The following PAQR3 variants were observed in gnomAD, a reference collection of about 807,000 sequenced individuals.
PAQR3 encodes Raf kinase trapping to Golgi.
A neutral mutation model predicts 41.7 loss-of-function variants in PAQR3; 39 were observed. The observed-to-expected ratio is 0.93, with a 90% CI of 0.72 to 1.22. The LOEUF is 1.22. Among genes scored for constraint, PAQR3 ranks in the 50% most tolerant of loss-of-function variants. The pLI, the probability that PAQR3 is intolerant of heterozygous loss-of-function variation, is 0.00. For missense variants in PAQR3, 366 were observed against 385.6 expected, an observed-to-expected ratio of 0.95 and a Z score of 0.42; for synonymous variants, 140 against 140.6, an observed-to-expected ratio of 1.00 and a Z score of 0.03.
rs542732985 is a variant in PAQR3 at position 78,892,578 on chromosome 4, A to G, written c.*837-4430T>C. Among the ~76,000 whole-genome samples the G allele has an allele frequency of 2.6e-5, 4 of 152,192 alleles. No homozygotes were observed. The South Asian group carries it at 6.2e-4, about 24-fold the overall frequency. ...AAAATTTTTATGTTTTCTTCTACCT[A>G]TTTCAGGAATAATTTGCTACTCTTT... On this transcript the variant is annotated intron_variant and NMD_transcript_variant, in intron 11 of 12. Coordinates refer to the PAQR3 transcript ENST00000342820.
Position 78,919,625 on chromosome 4 carries a change from C to T in PAQR3, c.*914G>A, listed in dbSNP as rs956437095. The stretch of plus-strand genomic sequence containing the variant: ...GGGTCAAGACAGGGCCATCTAGATT[C>T]TATGGCCTTGCAAGTAGCACCCACA... On this transcript the variant is annotated 3_prime_UTR_variant, in exon 6 of 6. Transcript: ENST00000512733. 3.1e-5 allele frequency: 31 copies of T among 984,966 alleles called. No individual in the cohort carries two copies. The highest frequency in any genetic ancestry group is 3.7e-5 in the Non-Finnish European group (31 of 829,778). 61.0% of individuals were successfully genotyped at this position (984,966 alleles called of 1,614,324 possible).
At chr4:78,887,360 A>G (rs1733153212) in intron 12 of PAQR3, 4 of 1,062,168 alleles carry the variant, frequency 3.8e-6, no homozygotes, top group South Asian at 2.8e-5. Context: ...ATAAAGTGGA[A>G]GTAAGACTCT....
In PAQR3 at chr4:78,918,014, A is replaced by G. The variant is rs911761848; in HGVS notation, c.*2525T>C. The G allele has an allele frequency of 2.0e-6, 2 of 981,192 alleles. No individual in the cohort carries two copies. Among genetic ancestry groups the G allele is most frequent in the African/African-American group, 3.5e-5 (2 of 57,100 alleles). The allele number at this position is 981,192 out of a possible 1,614,324, so 60.8% of individuals were successfully genotyped here. ...TTACTGAATTGCAGTTAGTGTAATA[A>G]CAAAAAAAGACAAGCACTGTCTTGC... On this transcript the variant is annotated 3_prime_UTR_variant, in exon 6 of 6. Coordinates refer to ENST00000512733, the MANE Select transcript of PAQR3 (RefSeq NM_001040202.2).
At chr4:78,899,016 C>G (rs1419516407) in intron 11 of PAQR3, 1 of 152,562 alleles carries the variant, frequency 6.6e-6, no homozygotes, top group Non-Finnish European at 1.5e-5. Flanking sequence ...AGGGGGACCA[C>G]CAGGTTGCCT....
At chr4:78,926,795 C>T (rs1383886125) in intron 3 of PAQR3, 77 bp from the exon 4 acceptor site, 26 of 1,272,816 alleles carry the variant, frequency 2.0e-5, no homozygotes, top group East Asian at 7.0e-5. Flanking sequence ...GGCTTTTACA[C>T]TACAAATTCC....
At chr4:78,928,976 C>T (rs539566229) in intron 3 of PAQR3, among the ~76,000 whole-genome samples, 1 of 152,332 alleles carries the variant, frequency 6.6e-6, no homozygotes, top group South Asian at 2.1e-4. Flanking sequence ...AGGGTTCGCG[C>T]TGCTGTGAGA....
At chr4:78,891,348 C>T (rs534601185) in intron 11 of PAQR3, among the ~76,000 whole-genome samples, 1 of 152,196 alleles carries the variant, frequency 6.6e-6, no homozygotes, top group African/African-American at 2.4e-5. Context: ...TTAACTTGTT[C>T]TGAATATTCA....
chr4:78,937,002 T>C (rs1737497376), intron 1 of PAQR3, among the ~76,000 whole-genome samples: 1 of 152,178 alleles, frequency 6.6e-6, no homozygotes, highest in African/African-American at 2.4e-5. Flanking sequence ...ACTCTTACTG[T>C]ACGAAAAGTT....
Position 78,918,010 on chromosome 4 carries a change from A to G in PAQR3, c.*2529T>C. On this transcript the variant is annotated 3_prime_UTR_variant, in exon 6 of 6. Coordinates refer to ENST00000512733, the MANE Select transcript of PAQR3 (RefSeq NM_001040202.2). ...CAGCTTACTGAATTGCAGTTAGTGT[A>G]ATAACAAAAAAAGACAAGCACTGTC... 1 of 982,168 alleles carries G rather than the reference A, an allele frequency of 1.0e-6. No individual in the cohort carries two copies. The highest frequency in any genetic ancestry group is 1.2e-6 in the Non-Finnish European group (1 of 826,614). 60.8% of individuals were successfully genotyped at this position (982,168 alleles called of 1,614,324 possible).
chr4:78,928,400 A>C (rs1736472806), intron 3 of PAQR3, among the ~76,000 whole-genome samples: 1 of 152,250 alleles, frequency 6.6e-6, no homozygotes, highest in Non-Finnish European at 1.5e-5. Context: ...TATGTTCCAA[A>C]GTGATTAGGC....
intron 5 of PAQR3, chr4:78,923,400 T>C (rs1035200575): frequency 4.8e-6 from 1 of 208,220 alleles, no homozygotes; most frequent in African/African-American, 2.4e-5. Flanking sequence ...GTTACATATG[T>C]ATACAAGTGA....
At chr4:78,935,328 T>A (rs759326944) in intron 1 of PAQR3, 45 bp from the exon 2 acceptor site, 2 of 1,561,154 alleles carry the variant, frequency 1.3e-6, no homozygotes, top group Admixed American at 3.6e-5. Context: ...ATTGGCCAAC[T>A]TACTGTCACG....
At position 78,919,186 on chromosome 4, in the gene PAQR3, C is replaced by A. The variant is rs1735403271; in HGVS notation, c.*1353G>T. 2.0e-6 allele frequency: 2 copies of A among 984,996 alleles called. No individual in the cohort carries two copies. Among genetic ancestry groups the A allele is most frequent in the Admixed American group, 1.2e-4 (2 of 16,188 alleles). The allele number at this position is 984,996 out of a possible 1,614,324, so 61.0% of individuals were successfully genotyped here. On this transcript the variant is annotated 3_prime_UTR_variant, in exon 6 of 6. Transcript: ENST00000512733. ...CAAAAGGCATTTTGGGAATAAGCTT[C>A]ATCATCAATTAACATTTTTTCTGAT...
At chr4:78,938,425 A>T (rs1314793894) in intron 1 of PAQR3, among the ~76,000 whole-genome samples, 1 of 152,122 alleles carries the variant, frequency 6.6e-6, no homozygotes, top group Non-Finnish European at 1.5e-5. Context: ...GCCCGTTATG[A>T]GCTCTCTTTA....
chr4:78,926,372 G>A (rs552736422), intron 4 of PAQR3, 149 bp downstream of exon 4: 3 of 659,398 alleles, frequency 4.5e-6, no homozygotes, highest in Non-Finnish European at 7.8e-6. Context: ...TTATATGGCT[G>A]TGAAAATTAC....
At chr4:78,923,069 G>C in intron 5 of PAQR3, 1 of 431,282 alleles carries the variant, frequency 2.3e-6, no homozygotes, top group East Asian at 7.0e-5. Context: ...TCTTCCTAGT[G>C]CTGGGTGCCA....
At chr4:78,926,487 A>C (rs761739552) in intron 4 of PAQR3, 34 bp downstream of exon 4, 32 of 1,555,978 alleles carry the variant, frequency 2.1e-5, no homozygotes, top group Non-Finnish European at 2.8e-5. Flanking sequence ...AAGGAAAAAA[A>C]AAAAGAGAAA....
At chr4:78,890,558 C>T (rs563893013) in intron 11 of PAQR3, among the ~76,000 whole-genome samples, 1 of 152,174 alleles carries the variant, frequency 6.6e-6, no homozygotes, top group East Asian at 1.9e-4. Flanking sequence ...GATCACATTT[C>T]CTGTCTTTGT....
downstream of PAQR3, chr4:78,911,436 G>A: frequency 3.1e-6 from 5 of 1,614,016 alleles, no homozygotes; most frequent in South Asian, 3.3e-5. Flanking sequence ...ATGAAATAAC[G>A]GGGAGCCAGC....
Sources: gnomAD v4.1 joint callset for allele counts (sites outside exome capture counted in the v4.1 genomes callset) on GRCh38, gnomAD v4.1.1 for gene constraint, MANE v1.5 for transcripts, NCBI Gene and HGNC (gene_info 2026-07-23, HGNC 2026-07-21) for gene names.